Variants in TRERF1 observed in about 807,000 individuals in gnomAD.
TRERF1 encodes the protein transcriptional-regulating factor 1.
Under a neutral mutation model 122.9 loss-of-function variants are expected in TRERF1, and 27 were observed. That is an observed-to-expected ratio of 0.22 (90% CI 0.16 to 0.30). TRERF1 has a LOEUF of 0.30. Ranked by LOEUF, TRERF1 falls within the 10% of genes least tolerant of loss-of-function variation. TRERF1 has a pLI of 1.00. For missense variants in TRERF1, 1,248 were observed against 1,560.3 expected, an observed-to-expected ratio of 0.80 and a Z score of 3.37; for synonymous variants, 636 against 641.7, an observed-to-expected ratio of 0.99 and a Z score of 0.13.
At chr6:42,243,943 A>G (rs1774269796) in intron 14 of TRERF1, among the ~76,000 whole-genome samples, 2 of 140,124 alleles carry the variant, frequency 1.4e-5, no homozygotes, top group Admixed American at 7.6e-5. Flanking sequence ...CAGTGGCACC[A>G]TCTTGGCTCA....
Position 42,268,717 on chromosome 6 carries a change from G to C in TRERF1, c.874C>G (p.Pro292Ala). ...GGCTGTGATGGGCGAATTTGTTGCGGCTGCGTCTGTATTTCTTGCATGGAG... is the reference window on the plus strand; with the variant it reads ...GGCTGTGATGGGCGAATTTGTTGCGCCTGCGTCTGTATTTCTTGCATGGAG... The change falls in exon 5 of 18, where the codon CCG becomes GCG. Residue 292 changes from proline (P) to alanine (A), a missense_variant. This residue lies in a region of TRERF1 where 946 missense variants were observed against 1,073.0 expected (regional missense o/e 0.88). Coordinates refer to ENST00000372922, the Ensembl canonical transcript of TRERF1. The surrounding 1 kb of genome is among the most constrained non-coding windows in gnomAD (Gnocchi z 4.4). 1 of 1,614,192 alleles carries C rather than the reference G, an allele frequency of 6.2e-7. No individual in the cohort carries two copies. The highest frequency in any genetic ancestry group is 1.1e-5 in the South Asian group (1 of 91,082).
At chr6:42,314,258 A>G (rs761431705) in intron 3 of TRERF1, among the ~76,000 whole-genome samples, 2 of 152,264 alleles carry the variant, frequency 1.3e-5, no homozygotes, top group African/African-American at 2.4e-5. Flanking sequence ...AAGAACTATT[A>G]GCAAATTCAC....
At chr6:42,427,844 C>T (rs1430999570) in intron 2 of TRERF1, among the ~76,000 whole-genome samples, 2 of 152,100 alleles carry the variant, frequency 1.3e-5, no homozygotes, top group Non-Finnish European at 1.5e-5. Context: ...GCCACCACAC[C>T]CAGCACATTC....
intron 4 of TRERF1, among the ~76,000 whole-genome samples, chr6:42,280,769 G>A (rs116326832): frequency 1.7e-3 from 262 of 152,292 alleles, no homozygotes; most frequent in African/African-American, 6.0e-3. Context: ...GAGGGAGGAG[G>A]CCTGGAAGCC....
At chr6:42,377,660 C>G (rs1406220027) in intron 2 of TRERF1, among the ~76,000 whole-genome samples, 1 of 152,262 alleles carries the variant, frequency 6.6e-6, no homozygotes. Flanking sequence ...TCTGCCCCTT[C>G]TACCAGGACT....
chr6:42,440,686 A>T (rs1786349257), intron 2 of TRERF1, among the ~76,000 whole-genome samples: 1 of 152,164 alleles, frequency 6.6e-6, no homozygotes, highest in Admixed American at 6.5e-5. Flanking sequence ...TCAAATTCCC[A>T]AGAGAAAATG....
chr6:42,400,956 C>A (rs931954847), intron 2 of TRERF1, among the ~76,000 whole-genome samples: 2 of 152,192 alleles, frequency 1.3e-5, no homozygotes, highest in Non-Finnish European at 2.9e-5. Flanking sequence ...TTGGAAAGGA[C>A]AGAATTCACC....
At chr6:42,266,429 T>A (rs547072185) in intron 5 of TRERF1, among the ~76,000 whole-genome samples, 8 of 152,174 alleles carry the variant, frequency 5.3e-5, no homozygotes, top group Non-Finnish European at 8.8e-5. Context: ...GCTCAAGTGA[T>A]CCTCCTGTCT....
intron 3 of TRERF1, among the ~76,000 whole-genome samples, chr6:42,319,861 A>AT (rs1763107173): frequency 6.6e-6 from 1 of 150,570 alleles, no homozygotes; most frequent in African/African-American, 2.4e-5. Context: ...TAATAATATA[A>AT]TGCTATATAT....
At chr6:42,375,824 C>A (rs1774738874) in intron 2 of TRERF1, among the ~76,000 whole-genome samples, 1 of 151,948 alleles carries the variant, frequency 6.6e-6, no homozygotes, top group South Asian at 2.1e-4. Context: ...CCTGGAGAAC[C>A]CCTGGACAAG....
chr6:42,427,789 A>T (rs749965234), intron 2 of TRERF1, among the ~76,000 whole-genome samples: 1 of 151,902 alleles, frequency 6.6e-6, no homozygotes, highest in Non-Finnish European at 1.5e-5. Context: ...GGCTCAAATG[A>T]TCCTCCCGCC....
intron 2 of TRERF1, among the ~76,000 whole-genome samples, chr6:42,442,541 GCAAATAGCTGCC>G (rs1365164797): frequency 6.6e-6 from 1 of 152,218 alleles, no homozygotes; most frequent in Non-Finnish European, 1.5e-5. Flanking sequence ...GACACAGATG[GCAAATAGCTGCC>G]CAAATAGCTG....
intron 13 of TRERF1, among the ~76,000 whole-genome samples, chr6:42,248,936 AAAG>A (rs1216419151): frequency 6.6e-6 from 1 of 152,202 alleles, no homozygotes; most frequent in Non-Finnish European, 1.5e-5. Context: ...ACAGAGGTAG[AAAG>A]AAGGACACAG....
At chr6:42,400,230 C>T (rs574551681) in intron 2 of TRERF1, among the ~76,000 whole-genome samples, 40 of 152,314 alleles carry the variant, frequency 2.6e-4, no homozygotes, top group South Asian at 2.3e-3. Context: ...ACCCTAAATG[C>T]AGCACCACTA....
intron 3 of TRERF1, among the ~76,000 whole-genome samples, chr6:42,315,901 T>C (rs1308246814): frequency 6.6e-6 from 1 of 151,952 alleles, no homozygotes; most frequent in Non-Finnish European, 1.5e-5. Flanking sequence ...GGTGCTCTCC[T>C]TTCAGGGGAG....
rs180976985 is a variant in TRERF1, at chr6:42,382,675, A to G, written c.-453-19596T>C. Among the ~76,000 whole-genome samples, 3 of 152,282 alleles carry G rather than the reference A, an allele frequency of 2.0e-5. No individual in the cohort carries two copies. The East Asian group carries it at 5.8e-4, about 29-fold the overall frequency. On this transcript the variant is annotated intron_variant, in intron 2 of 17. Coordinates refer to ENST00000372922, the Ensembl canonical transcript of TRERF1. ...AGTGTCCAAAATGTCTGAAAACAGA[A>G]GGAAACAGTGGATTCGTGCAGCTTT... is the stretch of plus-strand genomic sequence containing the variant.
chr6:42,422,822 C>T (rs909625692), intron 2 of TRERF1, among the ~76,000 whole-genome samples: 1 of 151,662 alleles, frequency 6.6e-6, no homozygotes, highest in African/African-American at 2.4e-5. Context: ...ACAGCCTCAG[C>T]TCAAGCAGCC....
rs77520943 is a variant in TRERF1, at chr6:42,416,707, C to T, written c.-454+34470G>A. Reference sequence around the variant, plus strand: ...TAGCTTCATAAAAAGAATTTAAGCGCTCTTTCTCTGCTTTAGGACAATGTA... The same window carrying T: ...TAGCTTCATAAAAAGAATTTAAGCGTTCTTTCTCTGCTTTAGGACAATGTA... On this transcript the variant is annotated intron_variant, in intron 2 of 17. Coordinates refer to ENST00000372922, the Ensembl canonical transcript of TRERF1. Among the ~76,000 whole-genome samples the T allele has an allele frequency of 8.3e-3, 1,260 of 152,234 alleles. 24 individuals are homozygous for T. Among genetic ancestry groups the T allele is most frequent in the Admixed American group, 0.045 (684 of 15,280 alleles).
rs535914786 is a variant in TRERF1, at chr6:42,306,102, A to C, written c.-370-5353T>G. Among the ~76,000 whole-genome samples, 3 of 144,672 alleles carry C rather than the reference A, an allele frequency of 2.1e-5. No homozygotes were observed. The South Asian group carries it at 6.7e-4, about 32-fold the overall frequency. 94.9% of individuals were successfully genotyped at this position (144,672 alleles called of 152,430 possible). A position where few individuals can be genotyped will look rare whatever the true frequency, so the allele number is the denominator to read the frequency against. On this transcript the variant is annotated intron_variant, in intron 3 of 17. Transcript: ENST00000372922. ...CTGCAACCTCTGTCTCCCAGGTTCA[A>C]GCAATTCTCCTGCCCTAGCCTCTCG...
Sources: allele counts gnomAD v4.1 joint callset (sites outside exome capture counted in the v4.1 genomes callset), GRCh38; gene constraint gnomAD v4.1.1; regional missense constraint gnomAD v4.1.1; non-coding constraint Gnocchi (gnomAD v3.1); transcripts MANE v1.5; gene names NCBI Gene and HGNC (gene_info 2026-07-23, HGNC 2026-07-21).